The following NELL2 variants were observed in gnomAD, a reference collection of about 807,000 sequenced individuals.
The protein encoded by NELL2 is protein kinase C-binding protein NELL2.
NELL2 carries 41 observed loss-of-function variants against 109.6 expected under a neutral mutation model. The observed-to-expected ratio is 0.37, with a 90% confidence interval of 0.29 to 0.49. NELL2 has a LOEUF of 0.49. Among genes scored for constraint, NELL2 ranks in the 20% least tolerant of loss-of-function variants. The probability of loss-of-function intolerance (pLI) is 0.98; values close to 1 mark genes in which losing one functional copy is unlikely to be tolerated. For missense variants in NELL2, 900 were observed against 1,008.3 expected, an observed-to-expected ratio of 0.89 and a Z score of 1.45; for synonymous variants, 355 against 344.7, an observed-to-expected ratio of 1.03 and a Z score of -0.33.
chr12:44,586,274 T>C (rs143190257), intron 15 of NELL2, among the ~76,000 whole-genome samples: 198 of 149,172 alleles, frequency 1.3e-3, no homozygotes, highest in African/African-American at 4.6e-3. Context: ...CAATGAACTT[T>C]GCAGTGTGAT....
chr12:44,634,414 C>T (rs184675632), intron 13 of NELL2, among the ~76,000 whole-genome samples: 224 of 149,906 alleles, frequency 1.5e-3, no homozygotes, highest in African/African-American at 5.1e-3. Context: ...TTAGTGAGAA[C>T]ATGTGGTGTT....
chr12:44,648,964 C>T (rs970920819), intron 13 of NELL2, among the ~76,000 whole-genome samples: 4 of 134,520 alleles, frequency 3.0e-5, no homozygotes, highest in East Asian at 2.4e-4. Flanking sequence ...CAGGGTTTCA[C>T]CATGTTGGCC....
intron 13 of NELL2, among the ~76,000 whole-genome samples, chr12:44,635,351 T>A (rs577881840): frequency 4.6e-4 from 70 of 152,236 alleles, no homozygotes; most frequent in African/African-American, 1.4e-3. Context: ...TCATGAAGTC[T>A]TTGCCCATGC....
chr12:44,542,778 G>A (rs1225348393), intron 15 of NELL2, among the ~76,000 whole-genome samples: 1 of 152,180 alleles, frequency 6.6e-6, no homozygotes, highest in African/African-American at 2.4e-5. Context: ...ATGGGAATAA[G>A]GAGTTTTATA....
chr12:44,840,397 G>A (rs1383301825), intron 2 of NELL2, among the ~76,000 whole-genome samples: 1 of 152,182 alleles, frequency 6.6e-6, no homozygotes, highest in Non-Finnish European at 1.5e-5. Flanking sequence ...CTGGCTGAGA[G>A]GAGGTACAAA....
chr12:44,742,201 G>A (rs1592438941), intron 9 of NELL2, among the ~76,000 whole-genome samples: 1 of 152,140 alleles, frequency 6.6e-6, no homozygotes. Flanking sequence ...GGCAAACAGG[G>A]TCTGGAGTAG....
chr12:44,876,845 G>A (rs1048032125), upstream of NELL2: 1 of 1,312,246 alleles, frequency 7.6e-7, no homozygotes, highest in Non-Finnish European at 9.7e-7. Context: ...GGCAAAGTAG[G>A]TAGAGACTGG....
At chr12:44,778,137 A>C (rs1941823029) in intron 5 of NELL2, among the ~76,000 whole-genome samples, 1 of 152,128 alleles carries the variant, frequency 6.6e-6, no homozygotes, top group South Asian at 2.1e-4. Context: ...ATTTTACTTT[A>C]TCCATTTGAA....
intron 12 of NELL2, among the ~76,000 whole-genome samples, chr12:44,672,944 A>G (rs1300717781): frequency 5.9e-5 from 9 of 152,188 alleles, no homozygotes; most frequent in Non-Finnish European, 1.3e-4. Flanking sequence ...TAAAGCAAAA[A>G]CAAAAAGGCT....
At chr12:44,709,242 C>G (rs577917640) in intron 11 of NELL2, among the ~76,000 whole-genome samples, 1 of 152,162 alleles carries the variant, frequency 6.6e-6, no homozygotes, top group East Asian at 1.9e-4. Flanking sequence ...AGTGCTTTGA[C>G]CAATTGCATA....
At chr12:44,855,818 A>G (rs1944666911) in intron 2 of NELL2, among the ~76,000 whole-genome samples, 1 of 152,196 alleles carries the variant, frequency 6.6e-6, no homozygotes, top group African/African-American at 2.4e-5. Flanking sequence ...ACACTTCATC[A>G]TAGGCTGGAG....
intron 1 of NELL2, among the ~76,000 whole-genome samples, chr12:44,890,804 C>T (rs1346824677): frequency 6.6e-6 from 1 of 151,982 alleles, no homozygotes; most frequent in Non-Finnish European, 1.5e-5. Flanking sequence ...CATCTTGGCT[C>T]ACCGCAATCT....
At chr12:44,544,151 T>C (rs1399335070) in intron 15 of NELL2, among the ~76,000 whole-genome samples, 1 of 152,038 alleles carries the variant, frequency 6.6e-6, no homozygotes, top group Non-Finnish European at 1.5e-5. Flanking sequence ...TGGAAAAATA[T>C]ATTGCTGAAG....
In NELL2 at chr12:44,777,264, A is replaced by G; in HGVS notation, c.657T>C (p.Ala219=). The G allele has an allele frequency of 1.2e-6, 2 of 1,613,834 alleles. No individual in the cohort carries two copies. The highest frequency in any genetic ancestry group is 1.7e-6 in the Non-Finnish European group (2 of 1,179,730). ...TACTGCGATTAAGATCTGGGCACTG[A>G]GCAATAAATCCCTGGGGCATGACAA... ...QLLVMPQGFI[A]QCPDLNRTCP... The change falls in exon 6 of 20, where the codon GCT becomes GCC. Residue 219 remains alanine (A), a synonymous_variant. Coordinates refer to ENST00000429094, the MANE Select transcript of NELL2 (RefSeq NM_001145108.2).
Position 44,508,825 on chromosome 12 carries a change from A to C in NELL2, c.*109T>G, listed in dbSNP as rs887720785. The C allele has an allele frequency of 1.5e-5, 13 of 877,104 alleles. No homozygotes were observed. The highest frequency in any genetic ancestry group is 2.0e-5 in the Non-Finnish European group (11 of 548,512). 54.3% of individuals were successfully genotyped at this position (877,104 alleles called of 1,614,324 possible). ...TTGAAAGTTCACTCAGCTATTAACAAAGCTGCATTTAGCTGCCCACAAATC... is the reference window on the plus strand; with the variant it reads ...TTGAAAGTTCACTCAGCTATTAACACAGCTGCATTTAGCTGCCCACAAATC... On this transcript the variant is annotated 3_prime_UTR_variant, in exon 20 of 20. Coordinates refer to ENST00000429094, the MANE Select transcript of NELL2 (RefSeq NM_001145108.2).
At chr12:44,630,120 A>T (rs1234135745) in intron 13 of NELL2, among the ~76,000 whole-genome samples, 2 of 152,206 alleles carry the variant, frequency 1.3e-5, no homozygotes, top group Non-Finnish European at 2.9e-5. Context: ...TACTTGTATA[A>T]TTAAGAAGAC....
rs112494777 is a variant in NELL2, at chr12:44,820,772, C to T, written c.185-4636G>A. ...AATGCAGTGGAAGCCTGATGGTACC[C>T]AAATGGGATTTCAGTTTTAGAAATA... On this transcript the variant is annotated intron_variant, in intron 2 of 19. Transcript: ENST00000429094. Among the ~76,000 whole-genome samples the T allele has an allele frequency of 8.2e-3, 1,250 of 152,158 alleles. 17 individuals carry two copies. Among genetic ancestry groups the T allele is most frequent in the African/African-American group, 0.028 (1,168 of 41,494 alleles).
chr12:44,761,875 CA>C, intron 9 of NELL2, among the ~76,000 whole-genome samples: 1 of 151,886 alleles, frequency 6.6e-6, no homozygotes, highest in East Asian at 1.9e-4. Context: ...GTGGGGAGTT[CA>C]AAAGGGAAGA....
intron 9 of NELL2, among the ~76,000 whole-genome samples, chr12:44,728,284 G>C (rs892961767): frequency 1.3e-5 from 2 of 151,892 alleles, no homozygotes. Context: ...AATATCAATA[G>C]ACAGTAATTT....
Sources: gnomAD v4.1 joint callset for allele counts (sites outside exome capture counted in the v4.1 genomes callset) on GRCh38, gnomAD v4.1.1 for gene constraint, MANE v1.5 for transcripts, NCBI Gene and HGNC (gene_info 2026-07-23, HGNC 2026-07-21) for gene names.